The following SPAST variants were observed in gnomAD, a reference collection of about 807,000 sequenced individuals.
SPAST encodes the protein spastin.
In SPAST, 30 loss-of-function variants were observed where a neutral mutation model predicts 76.6. The observed-to-expected ratio is 0.39, with a 90% confidence interval of 0.29 to 0.53. The LOEUF is 0.53. SPAST is among the 20% of genes least tolerant of loss of function. The probability of loss-of-function intolerance (pLI) is 0.68; values close to 1 mark genes in which losing one functional copy is unlikely to be tolerated. For synonymous variants in SPAST, 305 were observed against 281.0 expected, an observed-to-expected ratio of 1.09 and a Z score of -0.86; for missense variants, 717 against 770.5, an observed-to-expected ratio of 0.93 and a Z score of 0.82.
chr2:32,132,696 C>T (rs756216886), intron 9 of SPAST, among the ~76,000 whole-genome samples: 2 of 151,956 alleles, frequency 1.3e-5, no homozygotes, highest in Non-Finnish European at 2.9e-5. Flanking sequence ...CAGATGTGAC[C>T]TGACTTTGAA....
chr2:32,146,843 C>T (rs1679901798), intron 15 of SPAST, among the ~76,000 whole-genome samples: 2 of 105,972 alleles, frequency 1.9e-5, no homozygotes, highest in Non-Finnish European at 3.6e-5. Context: ...CAGAGCAAGA[C>T]TCTGTCTCAA....
chr2:32,089,865 G>A (rs547298760), intron 3 of SPAST, among the ~76,000 whole-genome samples: 4 of 152,032 alleles, frequency 2.6e-5, no homozygotes, highest in African/African-American at 4.8e-5. Flanking sequence ...CCAGGTTCAC[G>A]CCATTCTCCT....
chr2:32,113,409 C>T (rs1028084555), intron 4 of SPAST, among the ~76,000 whole-genome samples: 1 of 151,600 alleles, frequency 6.6e-6, no homozygotes, highest in Non-Finnish European at 1.5e-5. Flanking sequence ...TTTTAAGACC[C>T]TCTTGGTGGG....
Position 32,091,742 on chromosome 2 carries a change from G to A in SPAST, c.586+2137G>A, listed in dbSNP as rs556823157. ...CCAGCTACTTGGGAGGCTGAGGCAGGAGAATGGCATGAACCCAGGAGGCGG... is the reference window on the plus strand; with the variant it reads ...CCAGCTACTTGGGAGGCTGAGGCAGAAGAATGGCATGAACCCAGGAGGCGG... On this transcript the variant is annotated intron_variant, in intron 3 of 16. Coordinates refer to ENST00000315285, the MANE Select transcript of SPAST (RefSeq NM_014946.4). Among the ~76,000 whole-genome samples the A allele has an allele frequency of 9.9e-4, 150 of 152,002 alleles. 1 individual carries two copies. The highest frequency in any genetic ancestry group is 3.6e-3 in the African/African-American group (148 of 41,506).
intron 1 of SPAST, among the ~76,000 whole-genome samples, chr2:32,073,504 A>C (rs1207992549): frequency 6.6e-6 from 1 of 152,064 alleles, no homozygotes; most frequent in Admixed American, 6.6e-5. Context: ...AATGTTTTTA[A>C]AGCAAGATAG....
chr2:32,064,145 C>A lies in SPAST; in HGVS notation c.314C>A (p.Pro105Gln). Reference protein sequence around the residue: ...AAPAPASASAPAPVPGGEAER... With the variant: ...AAPAPASASAQAPVPGGEAER... ...CCAGCACCTGCCTCGGCCTCGGCCC[C>A]GGCGCCGGTGCCGGGCGGCGAGGCC... is the stretch of plus-strand genomic sequence containing the variant. The change falls in exon 1 of 17, where the codon CCG (proline) becomes CAG (glutamine). Residue 105 changes from proline to glutamine, a missense_variant. Pro to Gln is a moderately conservative substitution (Grantham distance 76). Around this residue, in one of 3 missense-constraint regions of SPAST, gnomAD observed 543 missense variants for 445.2 expected, o/e 1.22. Transcript: ENST00000315285. 1 of 1,563,312 alleles carries A rather than the reference C, an allele frequency of 6.4e-7. No individual in the cohort carries two copies. The highest frequency in any genetic ancestry group is 2.4e-5 in the East Asian group (1 of 42,280).
In SPAST at chr2:32,156,103, AT is replaced by A. The variant is rs1253628313; in HGVS notation, c.*1608del. The A allele has an allele frequency of 6.6e-6, 1 of 151,644 alleles. No homozygotes were observed. The highest frequency in any genetic ancestry group is 2.4e-5 in the African/African-American group (1 of 41,180). The allele number at this position is 151,644 out of a possible 1,614,324, so 9.4% of individuals were successfully genotyped here. A position where few individuals can be genotyped will look rare whatever the true frequency, so the allele number is the denominator to read the frequency against. On this transcript the variant is annotated 3_prime_UTR_variant, in exon 17 of 17. Coordinates refer to ENST00000315285, the MANE Select transcript of SPAST (RefSeq NM_014946.4). ...GCCCAGGCTGGAGTGCAATGGCGCA[AT>A]CTCGACTCACCACAACCTCCGCCTC...
chr2:32,076,723 G>A (rs1371711415), intron 1 of SPAST, among the ~76,000 whole-genome samples: 2 of 151,856 alleles, frequency 1.3e-5, no homozygotes, highest in Non-Finnish European at 2.9e-5. Context: ...GCCATAATCA[G>A]TAGTCCTTAA....
chr2:32,154,322 CACCATAT>C, intron 16 of SPAST, 45 bp from the exon 17 acceptor site: 1 of 1,532,606 alleles, frequency 6.5e-7, no homozygotes, highest in Non-Finnish European at 9.0e-7. Context: ...TTTCGTTAAC[CACCATAT>C]ACCTGTTGAT....
chr2:32,121,535 CTTTTTTTTT>C (rs34519148), intron 7 of SPAST, among the ~76,000 whole-genome samples: 4 of 102,732 alleles, frequency 3.9e-5, no homozygotes, highest in African/African-American at 7.5e-5. Flanking sequence ...ATCTTTCTCA[CTTTTTTTTT>C]TTTTTTTTTT....
chr2:32,115,973 A>G (rs527883087), intron 6 of SPAST, 138 bp downstream of exon 6: 3 of 952,170 alleles, frequency 3.2e-6, no homozygotes, highest in East Asian at 5.3e-5. Context: ...TTTCAATTAT[A>G]AATGTAGAAA....
Position 32,098,117 on chromosome 2 carries a change from TAA to T in SPAST, c.587-678_587-677del, listed in dbSNP as rs534146962. 9.2e-5 allele frequency among the ~76,000 whole-genome samples: 14 copies of T among 152,288 alleles called. No homozygotes were observed. In the South Asian group the frequency reaches 2.9e-3, roughly 32 times the overall value. Reference sequence around the variant, plus strand: ...TTTTAAAAAATCTACAGTTTTATTATAAGTTGCTAATTATATTTAATAAATAC... The same window carrying T: ...TTTTAAAAAATCTACAGTTTTATTATGTTGCTAATTATATTTAATAAATAC... On this transcript the variant is annotated intron_variant, in intron 3 of 16. Transcript: ENST00000315285.
At chr2:32,142,456 T>A (rs1679750750) in intron 13 of SPAST, among the ~76,000 whole-genome samples, 1 of 152,100 alleles carries the variant, frequency 6.6e-6, no homozygotes, top group African/African-American at 2.4e-5. Context: ...GCTCTGTCGC[T>A]CAGGCTGGAG....
At chr2:32,066,019 A>C (rs1676496137) in intron 1 of SPAST, 1 of 147,770 alleles carries the variant, frequency 6.8e-6, no homozygotes, top group Non-Finnish European at 1.5e-5. Flanking sequence ...TGTCACCCAG[A>C]CTGGAGTGCA....
At chr2:32,152,731 TG>T (rs903279485) in intron 16 of SPAST, among the ~76,000 whole-genome samples, 9 of 150,658 alleles carry the variant, frequency 6.0e-5, no homozygotes, top group African/African-American at 2.2e-4. Context: ...TTTTCTTTGG[TG>T]GGGGGTTGCT....
At chr2:32,096,557 A>C (rs933581208) in intron 3 of SPAST, among the ~76,000 whole-genome samples, 1 of 152,236 alleles carries the variant, frequency 6.6e-6, no homozygotes, top group South Asian at 2.1e-4. Context: ...GAAGCAATGT[A>C]CTGTTACACT....
At chr2:32,154,077 C>T (rs566121688) in intron 16 of SPAST, among the ~76,000 whole-genome samples, 1 of 152,250 alleles carries the variant, frequency 6.6e-6, no homozygotes, top group Non-Finnish European at 1.5e-5. Context: ...TTGAACTTTT[C>T]TATAAATGAT....
chr2:32,085,222 T>TTTTC (rs1291835972), intron 1 of SPAST, among the ~76,000 whole-genome samples: 1 of 148,966 alleles, frequency 6.7e-6, no homozygotes. Context: ...TTTTTTTTTT[T>TTTTC]TTGAGTCAGG....
intron 12 of SPAST, among the ~76,000 whole-genome samples, chr2:32,140,350 C>T (rs936550845): frequency 5.3e-5 from 8 of 152,184 alleles, no homozygotes; most frequent in African/African-American, 1.7e-4. Context: ...TAAGCTCTTA[C>T]ATTTCACTGG....
Sources: allele counts gnomAD v4.1 joint callset (sites outside exome capture counted in the v4.1 genomes callset), GRCh38; gene constraint gnomAD v4.1.1; regional missense constraint gnomAD v4.1.1; transcripts MANE v1.5; gene names NCBI Gene and HGNC (gene_info 2026-07-23, HGNC 2026-07-21).